The following BABAM2 variants were observed in gnomAD, a reference collection of about 807,000 sequenced individuals.
The protein encoded by BABAM2 is BRISC and BRCA1 A complex member 2, also known as BRISC and BRCA1-A complex member 2.
Under a neutral mutation model 54.7 loss-of-function variants are expected in BABAM2, and 31 were observed. The observed-to-expected ratio is 0.57, with a 90% CI of 0.43 to 0.77. The LOEUF (loss-of-function observed/expected upper bound fraction) is 0.77. Ranked by LOEUF, BABAM2 falls within the 30% of genes least tolerant of loss-of-function variation. The pLI, the probability that BABAM2 is intolerant of heterozygous loss-of-function variation, is 0.00. For synonymous variants in BABAM2, 167 were observed against 162.9 expected, an observed-to-expected ratio of 1.03 and a Z score of -0.19; for missense variants, 364 against 455.8, an observed-to-expected ratio of 0.80 and a Z score of 1.83.
At chr2:28,140,311 C>A (rs1408295452) in intron 7 of BABAM2, among the ~76,000 whole-genome samples, 1 of 152,186 alleles carries the variant, frequency 6.6e-6, no homozygotes, top group Non-Finnish European at 1.5e-5. Context: ...TGGTCATCAA[C>A]ACTGTGAGAC....
At chr2:27,890,301 C>G, upstream of BABAM2, 1 of 1,613,922 alleles carries the variant, frequency 6.2e-7, no homozygotes, top group Non-Finnish European at 8.5e-7. This position sits in a 1 kb window ranked among gnomAD's most constrained non-coding sequence, Gnocchi z 4.8. Flanking sequence ...CCACCGCCGC[C>G]ACCTCCTCTT....
chr2:27,917,291 T>C (rs1295929717), intron 2 of BABAM2, among the ~76,000 whole-genome samples: 5 of 152,260 alleles, frequency 3.3e-5, no homozygotes, highest in Admixed American at 3.3e-4. Flanking sequence ...GGTGGAATTA[T>C]AGGCGTGAGC....
In BABAM2 at chr2:27,950,305, A is replaced by G. The variant is rs56378322; in HGVS notation, c.205+20397A>G. ...AGAACCCATAACAGTTCTAATTTTC[A>G]TTAGCAATTAATAAAGTTATTAATG... On this transcript the variant is annotated intron_variant, in intron 3 of 11. Transcript: ENST00000379624. Among the ~76,000 whole-genome samples the G allele has an allele frequency of 9.2e-3, 1,401 of 152,324 alleles. 23 individuals are homozygous for G. Among genetic ancestry groups the G allele is most frequent in the African/African-American group, 0.031 (1,308 of 41,562 alleles).
chr2:28,054,069 T>C (rs1026497877), intron 6 of BABAM2, among the ~76,000 whole-genome samples: 3 of 152,018 alleles, frequency 2.0e-5, no homozygotes, highest in Non-Finnish European at 4.4e-5. Flanking sequence ...AGATAAACCG[T>C]TTTTTTAAAT....
intron 7 of BABAM2, among the ~76,000 whole-genome samples, chr2:28,150,202 C>A (rs958966915): frequency 2.0e-5 from 3 of 152,186 alleles, no homozygotes; most frequent in Admixed American, 6.5e-5. Flanking sequence ...CACTCTAGTT[C>A]AGACAAGCTA....
intron 7 of BABAM2, among the ~76,000 whole-genome samples, chr2:28,223,451 G>A (rs1680592464): frequency 6.6e-6 from 1 of 152,204 alleles, no homozygotes; most frequent in South Asian, 2.1e-4. Flanking sequence ...AGCAGAATGG[G>A]GAGGAGAGAG....
intron 7 of BABAM2, among the ~76,000 whole-genome samples, chr2:28,164,321 G>A (rs765114322): frequency 6.6e-6 from 1 of 151,982 alleles, no homozygotes; most frequent in Admixed American, 6.6e-5. Context: ...ACACCCCCAC[G>A]TGGAGTTAGA....
At chr2:27,976,882 G>A (rs1573310065) in intron 3 of BABAM2, among the ~76,000 whole-genome samples, 2 of 152,172 alleles carry the variant, frequency 1.3e-5, no homozygotes, top group Admixed American at 1.3e-4. Context: ...CGAAGTCTAG[G>A]AGAGGGATAT....
chr2:27,952,403 C>T (rs768162670), intron 3 of BABAM2, among the ~76,000 whole-genome samples: 1 of 152,088 alleles, frequency 6.6e-6, no homozygotes, highest in African/African-American at 2.4e-5. Context: ...AAGTTTATGG[C>T]ACTGGTAATG....
chr2:28,330,847 A>T (rs940111182), intron 11 of BABAM2, among the ~76,000 whole-genome samples: 1 of 152,182 alleles, frequency 6.6e-6, no homozygotes, highest in African/African-American at 2.4e-5. Flanking sequence ...ATTAAAATTC[A>T]TGTGGAACTA....
intron 3 of BABAM2, among the ~76,000 whole-genome samples, chr2:27,962,835 A>G (rs1339013196): frequency 6.6e-6 from 1 of 152,214 alleles, no homozygotes; most frequent in East Asian, 1.9e-4. Flanking sequence ...TATTGTAGCA[A>G]TTGCTTTAGT....
At chr2:28,145,784 A>G (rs956903622) in intron 7 of BABAM2, among the ~76,000 whole-genome samples, 1 of 152,168 alleles carries the variant, frequency 6.6e-6, no homozygotes, top group Non-Finnish European at 1.5e-5. Context: ...TTCTGTCTCT[A>G]TGGATTTGCC....
chr2:28,160,068 A>G (rs1193553901), intron 7 of BABAM2, among the ~76,000 whole-genome samples: 1 of 152,056 alleles, frequency 6.6e-6, no homozygotes, highest in Non-Finnish European at 1.5e-5. Flanking sequence ...TGTAACCACA[A>G]ACTCCTGGGC....
At chr2:27,915,042 C>G (rs747758706) in intron 2 of BABAM2, among the ~76,000 whole-genome samples, 1 of 151,990 alleles carries the variant, frequency 6.6e-6, no homozygotes, top group Non-Finnish European at 1.5e-5. Context: ...TGCTGTGTAA[C>G]ATGAGAGGCA....
At chr2:28,326,828 AG>A (rs753423517) in intron 11 of BABAM2, among the ~76,000 whole-genome samples, 31 of 152,340 alleles carry the variant, frequency 2.0e-4, no homozygotes, top group Admixed American at 6.5e-4. Flanking sequence ...ACGTGCCATT[AG>A]GATACGCAGT....
chr2:28,191,101 T>TA (rs1676858003), intron 7 of BABAM2, among the ~76,000 whole-genome samples: 1 of 152,156 alleles, frequency 6.6e-6, no homozygotes, highest in Admixed American at 6.5e-5. Context: ...AAAGAACTGT[T>TA]ACAACTTAGG....
rs1310124589 is a variant in BABAM2 at position 28,171,092 on chromosome 2, C to A, written c.680+41712C>A. ...GGATGGTAGCATGCTGTACATACTA[C>A]GTTGCAGTCTGCTTTTTAAAATATA... On this transcript the variant is annotated intron_variant, in intron 7 of 11. Transcript: ENST00000379624. Among the ~76,000 whole-genome samples the A allele has an allele frequency of 4.1e-5, 6 of 145,938 alleles. No individual in the cohort carries two copies. The Admixed American group carries it at 4.1e-4, about 10-fold the overall frequency.
At chr2:28,297,900 G>A (rs182052399) in intron 10 of BABAM2, among the ~76,000 whole-genome samples, 16 of 152,310 alleles carry the variant, frequency 1.1e-4, no homozygotes, top group African/African-American at 3.8e-4. Flanking sequence ...AATTATAGAT[G>A]TGGAATACAT....
chr2:28,288,467 AG>A (rs796475241), intron 10 of BABAM2, among the ~76,000 whole-genome samples: 20 of 151,638 alleles, frequency 1.3e-4, no homozygotes, highest in African/African-American at 4.8e-4. Flanking sequence ...CTAGGATTTC[AG>A]GCACCCACCA....
Sources: allele counts gnomAD v4.1 joint callset (sites outside exome capture counted in the v4.1 genomes callset), GRCh38; gene constraint gnomAD v4.1.1; non-coding constraint Gnocchi (gnomAD v3.1); transcripts MANE v1.5; gene names NCBI Gene and HGNC (gene_info 2026-07-23, HGNC 2026-07-21).